Variants in IRAG1 observed in about 807,000 individuals in gnomAD.
IRAG1 encodes IP3R-associated cGMP kinase substrate.
IRAG1 carries 62 observed loss-of-function variants against 106.2 expected under a neutral mutation model. The observed-to-expected ratio is 0.58, with a 90% CI of 0.48 to 0.72. The LOEUF is 0.72. IRAG1 is among the 30% of genes least tolerant of loss of function. IRAG1 has a pLI of 0.00. For missense variants in IRAG1, 1,064 were observed against 1,140.7 expected (o/e 0.93, Z 0.97); for synonymous variants, 462 against 443.9 (o/e 1.04, Z -0.51).
At chr11:10,607,851 G>A (rs16908037) in intron 11 of IRAG1, among the ~76,000 whole-genome samples, 4,581 of 152,220 alleles carry the variant, frequency 0.03, 106 homozygotes, top group African/African-American at 0.065. Context: ...TCCAGAACAC[G>A]GGACAAACAG....
chr11:10,584,785 A>G (rs1657496622), intron 18 of IRAG1, among the ~76,000 whole-genome samples: 1 of 151,984 alleles, frequency 6.6e-6, no homozygotes, highest in South Asian at 2.1e-4. Context: ...TCAACTGTAC[A>G]ATGGGGATAG....
At chr11:10,613,767 G>T (rs544676005) in intron 10 of IRAG1, among the ~76,000 whole-genome samples, 1 of 152,332 alleles carries the variant, frequency 6.6e-6, no homozygotes. Flanking sequence ...CCTGCAGGAA[G>T]TCAGTAGGTA....
intron 1 of IRAG1, among the ~76,000 whole-genome samples, chr11:10,663,159 T>C (rs1430414449): frequency 6.6e-6 from 1 of 152,186 alleles, no homozygotes; most frequent in Non-Finnish European, 1.5e-5. Context: ...CCTTGGATTC[T>C]TTAGAAACTT....
At chr11:10,640,003 T>G (rs998923014) in intron 2 of IRAG1, among the ~76,000 whole-genome samples, 6 of 152,190 alleles carry the variant, frequency 3.9e-5, no homozygotes, top group Non-Finnish European at 8.8e-5. Flanking sequence ...AAAGGTGAAC[T>G]GAGCGGGCCT....
intron 1 of IRAG1, among the ~76,000 whole-genome samples, chr11:10,677,718 C>T (rs1478547041): frequency 1.3e-5 from 2 of 152,252 alleles, no homozygotes; most frequent in Non-Finnish European, 2.9e-5. Flanking sequence ...TCACCCCTAC[C>T]TAGTTCCAGA....
chr11:10,654,502 C>G lies in IRAG1; in HGVS notation c.68-2320G>C, dbSNP rs985803701. 2.6e-5 allele frequency among the ~76,000 whole-genome samples: 4 copies of G among 152,198 alleles called. No individual in the cohort carries two copies. In the South Asian group the frequency reaches 8.3e-4, roughly 32 times the overall value. The stretch of plus-strand genomic sequence containing the variant: ...GTCACCTCAAGAAATCTCAAGTAGA[C>G]CATCCATAGAGTCATTCATTCTTTC... On this transcript the variant is annotated intron_variant, in intron 1 of 20. Transcript: ENST00000423302.
At chr11:10,675,630 TG>T (rs374169793) in intron 1 of IRAG1, among the ~76,000 whole-genome samples, 2 of 152,150 alleles carry the variant, frequency 1.3e-5, no homozygotes, top group African/African-American at 4.8e-5. Flanking sequence ...CAAAATTATT[TG>T]GGGATCTCAG....
In IRAG1 at chr11:10,591,176, G is replaced by A. The variant is rs34291522; in HGVS notation, c.2240+372C>T. On this transcript the variant is annotated intron_variant, in intron 18 of 20. Coordinates refer to ENST00000423302, the MANE Select transcript of IRAG1 (RefSeq NM_130385.4). Reference sequence around the variant, plus strand: ...CAATGTGGCCAGAGGCAAGGAAGTTGTAGACTCGCTGAGCTAGAGCCCTGC... The same window carrying A: ...CAATGTGGCCAGAGGCAAGGAAGTTATAGACTCGCTGAGCTAGAGCCCTGC... Among the ~76,000 whole-genome samples, 523 of 152,296 alleles carry A rather than the reference G, an allele frequency of 3.4e-3. 3 individuals are homozygous for A. The highest frequency in any genetic ancestry group is 5.9e-3 in the Non-Finnish European group (403 of 68,022).
At chr11:10,588,192 C>A (rs1852238770) in intron 18 of IRAG1, among the ~76,000 whole-genome samples, 1 of 152,160 alleles carries the variant, frequency 6.6e-6, no homozygotes, top group Non-Finnish European at 1.5e-5. Context: ...ACAGTAATTA[C>A]CATTGTCATC....
chr11:10,662,221 A>T (rs1859456068), intron 1 of IRAG1, among the ~76,000 whole-genome samples: 1 of 152,226 alleles, frequency 6.6e-6, no homozygotes, highest in Non-Finnish European at 1.5e-5. Flanking sequence ...AGCCTGGCCA[A>T]CATGGTGAAA....
chr11:10,592,097 G>A (rs920798467), intron 17 of IRAG1, among the ~76,000 whole-genome samples: 21 of 152,100 alleles, frequency 1.4e-4, no homozygotes, highest in African/African-American at 3.4e-4. Flanking sequence ...TTTACAATAC[G>A]TTCCCCAGGA....
chr11:10,661,735 C>T (rs920311520), intron 1 of IRAG1, among the ~76,000 whole-genome samples: 1 of 152,010 alleles, frequency 6.6e-6, no homozygotes, highest in African/African-American at 2.4e-5. Flanking sequence ...CTCATGATTA[C>T]ATTGAACCCG....
At chr11:10,611,038 T>C (rs1293429666) in intron 10 of IRAG1, among the ~76,000 whole-genome samples, 1 of 152,156 alleles carries the variant, frequency 6.6e-6, no homozygotes, top group Non-Finnish European at 1.5e-5. Context: ...ATCATGTGAA[T>C]AGAAAGAAGT....
intron 1 of IRAG1, among the ~76,000 whole-genome samples, chr11:10,680,369 G>GAAAGAAAGAAAGAAAGA (rs1165670087): frequency 3.4e-5 from 2 of 58,178 alleles, no homozygotes; most frequent in African/African-American, 2.0e-4. Context: ...AAGAAAGAAA[G>GAAAGAAAGAAAGAAAGA]AAGGAAGGAA....
chr11:10,678,610 C>A (rs78787463), intron 1 of IRAG1, among the ~76,000 whole-genome samples: 1 of 152,166 alleles, frequency 6.6e-6, no homozygotes, highest in Non-Finnish European at 1.5e-5. Flanking sequence ...GCCACCACAG[C>A]GGCCCTCTCT....
intron 1 of IRAG1, among the ~76,000 whole-genome samples, chr11:10,656,020 G>A (rs1858894600): frequency 6.6e-6 from 1 of 152,076 alleles, no homozygotes; most frequent in Non-Finnish European, 1.5e-5. Flanking sequence ...TTATAAACTC[G>A]CTGCTTAAAA....
Position 10,644,770 on chromosome 11 carries a change from G to A in IRAG1, c.225+7255C>T, listed in dbSNP as rs569412672. The stretch of plus-strand genomic sequence containing the variant: ...GTTCCTCTTCATCTCATTCCTGACA[G>A]ATAATTGATCCTTTGGGTCACACAC... On this transcript the variant is annotated intron_variant, in intron 2 of 20. Coordinates refer to ENST00000423302, the MANE Select transcript of IRAG1 (RefSeq NM_130385.4). Among the ~76,000 whole-genome samples, 4 of 152,304 alleles carry A rather than the reference G, an allele frequency of 2.6e-5. No homozygotes were observed. In the South Asian group the frequency reaches 8.3e-4, roughly 32 times the overall value.
chr11:10,580,646 C>A, intron 19 of IRAG1, 57 bp from the exon 20 acceptor site: 1 of 1,587,786 alleles, frequency 6.3e-7, no homozygotes, highest in Admixed American at 1.8e-5. Flanking sequence ...TGCATCCTTT[C>A]CTGAGTTCCT....
Position 10,580,688 on chromosome 11 carries a change from A to C in IRAG1, c.2361-99T>G, listed in dbSNP as rs188074486. ...GGGGACTTGAGCAGCACCTCCAATAATTATGTGCTTCCTATGGTTCCACAA... is the reference window on the plus strand; with the variant it reads ...GGGGACTTGAGCAGCACCTCCAATACTTATGTGCTTCCTATGGTTCCACAA... On this transcript the variant is annotated intron_variant, in intron 19 of 20. Coordinates refer to ENST00000423302, the MANE Select transcript of IRAG1 (RefSeq NM_130385.4). The C allele has an allele frequency of 2.5e-3, 3,466 of 1,367,754 alleles. 10 individuals are homozygous for C. Among genetic ancestry groups the C allele is most frequent in the Admixed American group, 3.7e-3 (160 of 42,886 alleles). The allele number at this position is 1,367,754 out of a possible 1,614,324, so 84.7% of individuals were successfully genotyped here.
Sources: gnomAD v4.1 joint callset for allele counts (sites outside exome capture counted in the v4.1 genomes callset) on GRCh38, gnomAD v4.1.1 for gene constraint, MANE v1.5 for transcripts, NCBI Gene and HGNC (gene_info 2026-07-23, HGNC 2026-07-21) for gene names.